The following TPST1 variants were observed in gnomAD, a reference collection of about 807,000 sequenced individuals.
TPST1 encodes tyrosylprotein sulfotransferase 1, also known as protein-tyrosine sulfotransferase 1.
TPST1 carries 20 observed loss-of-function variants against 34.8 expected under a neutral mutation model. The ratio of observed to expected loss-of-function variants is 0.57; its 90% CI spans 0.40 to 0.84. TPST1 has a LOEUF of 0.84. Among genes scored for constraint, TPST1 ranks in the 40% least tolerant of loss-of-function variants. The pLI is 0.00. For synonymous variants in TPST1, 152 were observed against 159.4 expected (o/e 0.95, Z 0.35); for missense variants, 353 against 455.5 (o/e 0.78, Z 2.05).
At chr7:66,347,361 T>G (rs1254075922) in intron 3 of TPST1, among the ~76,000 whole-genome samples, 2 of 152,092 alleles carry the variant, frequency 1.3e-5, no homozygotes, top group African/African-American at 2.4e-5. Flanking sequence ...AGCCACCATG[T>G]CCAGCAAGTA....
chr7:66,219,107 A>G lies in TPST1; in HGVS notation c.-102+13585A>G, dbSNP rs185295894. On this transcript the variant is annotated intron_variant, in intron 1 of 5. Coordinates refer to ENST00000304842, the MANE Select transcript of TPST1 (RefSeq NM_003596.4). ...GAGACAGGGTTTTGCCATGTTGGCCATGCTGGTCTCGAACTCCTGACCTCA... is the reference window on the plus strand; with the variant it reads ...GAGACAGGGTTTTGCCATGTTGGCCGTGCTGGTCTCGAACTCCTGACCTCA... Among the ~76,000 whole-genome samples, 199 of 134,932 alleles carry G rather than the reference A, an allele frequency of 1.5e-3. 2 individuals carry two copies. The highest frequency in any genetic ancestry group is 2.3e-3 in the Non-Finnish European group (152 of 65,444). The allele number at this position is 134,932 out of a possible 152,430, so 88.5% of individuals were successfully genotyped here. A position where few individuals can be genotyped will look rare whatever the true frequency, so the allele number is the denominator to read the frequency against.
upstream of TPST1, among the ~76,000 whole-genome samples, chr7:66,201,583 C>G (rs1279362401): frequency 4.0e-5 from 6 of 151,684 alleles, no homozygotes; most frequent in East Asian, 1.9e-4. Context: ...CCCAGCTACT[C>G]GAGAGGCTGA....
At chr7:66,342,758 C>T (rs1046464198) in intron 3 of TPST1, among the ~76,000 whole-genome samples, 6 of 152,092 alleles carry the variant, frequency 3.9e-5, no homozygotes, top group East Asian at 1.9e-4. Flanking sequence ...AACCAGATCT[C>T]GCACCAGGTC....
In TPST1 at chr7:66,360,078, C is replaced by G. The variant is rs1792661032; in HGVS notation, c.*213C>G. The G allele has an allele frequency of 2.5e-6, 1 of 405,470 alleles. No individual in the cohort carries two copies. The allele number at this position is 405,470 out of a possible 1,614,324, so 25.1% of individuals were successfully genotyped here. Reference sequence around the variant, plus strand: ...AGGGATCTGCCTCCTGAGCAAAGAGCTCTTGATCCCGATTTCATGCACAGC... The same window carrying G: ...AGGGATCTGCCTCCTGAGCAAAGAGGTCTTGATCCCGATTTCATGCACAGC... On this transcript the variant is annotated 3_prime_UTR_variant, in exon 6 of 6. Transcript: ENST00000304842.
At chr7:66,199,158 G>C in the TPST1 span, among the ~76,000 whole-genome samples, 46 of 152,290 alleles carry the variant, frequency 3.0e-4, no homozygotes, top group Admixed American at 2.8e-3. Context: ...TGGCTCCCGT[G>C]CCCTGCTGGC....
At chr7:66,301,366 G>T (rs1909508) in intron 3 of TPST1, among the ~76,000 whole-genome samples, 34,912 of 152,102 alleles carry the variant, frequency 0.23, 4,186 homozygotes, top group East Asian at 0.3. Flanking sequence ...CATGTCTACA[G>T]TAAGACTCTC....
intron 1 of TPST1, among the ~76,000 whole-genome samples, chr7:66,235,803 T>C (rs1789900904): frequency 6.6e-6 from 1 of 152,096 alleles, no homozygotes; most frequent in African/African-American, 2.4e-5. Flanking sequence ...AAGAAGTACA[T>C]TGGTTCCGTT....
chr7:66,357,199 T>C (rs1792599102), intron 5 of TPST1, among the ~76,000 whole-genome samples: 1 of 152,208 alleles, frequency 6.6e-6, no homozygotes, highest in Non-Finnish European at 1.5e-5. Flanking sequence ...CTGGAGGCCA[T>C]CAAGCCCAAC....
chr7:66,220,508 G>C (rs1789519695), intron 1 of TPST1, among the ~76,000 whole-genome samples: 1 of 152,182 alleles, frequency 6.6e-6, no homozygotes. Flanking sequence ...GTGGCAGAGA[G>C]CTTTCAGGAA....
At chr7:66,226,548 C>G (rs2116319505) in intron 1 of TPST1, among the ~76,000 whole-genome samples, 1 of 152,234 alleles carries the variant, frequency 6.6e-6, no homozygotes, top group African/African-American at 2.4e-5. Context: ...TTTGGAGAAG[C>G]CAAAATCCCT....
At chr7:66,296,252 C>CA (rs1562832608) in intron 3 of TPST1, among the ~76,000 whole-genome samples, 2 of 44,146 alleles carry the variant, frequency 4.5e-5, no homozygotes. Context: ...ACCCTTCCCC[C>CA]CCCCCTCCCC....
At chr7:66,217,210 AT>A (rs1228524212) in intron 1 of TPST1, among the ~76,000 whole-genome samples, 1 of 152,022 alleles carries the variant, frequency 6.6e-6, no homozygotes, top group Non-Finnish European at 1.5e-5. Flanking sequence ...GATCTAGTTG[AT>A]TTGTAGTATT....
chr7:66,223,717 CTCTT>C (rs1254179109), intron 1 of TPST1, among the ~76,000 whole-genome samples: 1 of 152,024 alleles, frequency 6.6e-6, no homozygotes, highest in African/African-American at 2.4e-5. Flanking sequence ...TTCATTTTAA[CTCTT>C]TATTATGAAA....
intron 3 of TPST1, among the ~76,000 whole-genome samples, chr7:66,333,984 G>A (rs1019660491): frequency 6.6e-6 from 1 of 152,194 alleles, no homozygotes; most frequent in Admixed American, 6.5e-5. Context: ...GAGCCATTTG[G>A]AAGGTAACTT....
At chr7:66,227,890 A>T (rs1273255080) in intron 1 of TPST1, among the ~76,000 whole-genome samples, 1 of 152,198 alleles carries the variant, frequency 6.6e-6, no homozygotes, top group Non-Finnish European at 1.5e-5. Flanking sequence ...GATGTTTGTA[A>T]ATACAAGAAT....
chr7:66,350,407 A>G (rs189805451), intron 3 of TPST1, among the ~76,000 whole-genome samples: 1 of 152,300 alleles, frequency 6.6e-6, no homozygotes, highest in African/African-American at 2.4e-5. Context: ...AGACACTCCT[A>G]GCAGCTGCAG....
chr7:66,329,496 T>C (rs1791954156), intron 3 of TPST1, among the ~76,000 whole-genome samples: 1 of 152,148 alleles, frequency 6.6e-6, no homozygotes, highest in Non-Finnish European at 1.5e-5. Context: ...TCCCTAAGAA[T>C]AAAAGCATTT....
Position 66,240,382 on chromosome 7 carries a change from T to C in TPST1, c.-44T>C, listed in dbSNP as rs2116403299. On this transcript the variant is annotated 5_prime_UTR_variant, in exon 2 of 6. Transcript: ENST00000304842. ...TGGCCTGAACATTTTCCGAAAATCA[T>C]TTTGAGCAAAATATCTGTTTAATAA... 1.9e-6 allele frequency: 3 copies of C among 1,580,962 alleles called. No homozygotes were observed. Among genetic ancestry groups the C allele is most frequent in the Non-Finnish European group, 2.6e-6 (3 of 1,162,722 alleles).
At chr7:66,327,561 A>C (rs905009824) in intron 3 of TPST1, among the ~76,000 whole-genome samples, 4 of 152,024 alleles carry the variant, frequency 2.6e-5, no homozygotes, top group African/African-American at 9.7e-5. Context: ...TGACTCTATA[A>C]AAAATACAAA....
Sources: allele counts gnomAD v4.1 joint callset (sites outside exome capture counted in the v4.1 genomes callset), GRCh38; gene constraint gnomAD v4.1.1; transcripts MANE v1.5; gene names NCBI Gene and HGNC (gene_info 2026-07-23, HGNC 2026-07-21).